The following CAST variants were observed in gnomAD, a reference collection of about 807,000 sequenced individuals.
The protein encoded by CAST is MIR583 host.
In CAST, 76 loss-of-function variants were observed where a neutral mutation model predicts 119.6. That is an observed-to-expected ratio of 0.64 (90% CI 0.53 to 0.77). The LOEUF (loss-of-function observed/expected upper bound fraction) is 0.77, where lower values mean the gene tolerates loss of function less well. Ranked by LOEUF, CAST falls within the 30% of genes least tolerant of loss-of-function variation. The pLI is 0.00. For synonymous variants in CAST, 319 were observed against 331.6 expected (o/e 0.96, Z 0.41); for missense variants, 953 against 946.5 (o/e 1.01, Z -0.09).
At chr5:96,408,005 G>A in the CAST span, among the ~76,000 whole-genome samples, 2 of 152,174 alleles carry the variant, frequency 1.3e-5, no homozygotes, top group Non-Finnish European at 1.5e-5. Context: ...ACAAAATAAC[G>A]TCTATATTAA....
chr5:96,450,686 C>T, the CAST span, among the ~76,000 whole-genome samples: 1 of 152,146 alleles, frequency 6.6e-6, no homozygotes, highest in South Asian at 2.1e-4. Context: ...GCAAACATTG[C>T]TCCAATGCCT....
the CAST span, among the ~76,000 whole-genome samples, chr5:96,470,420 C>T: frequency 1.3e-5 from 2 of 151,838 alleles, no homozygotes; most frequent in African/African-American, 4.8e-5. Flanking sequence ...AATGGTAAAG[C>T]TAAAATAATA....
At chr5:96,298,482 G>T in the CAST span, among the ~76,000 whole-genome samples, 1 of 152,168 alleles carries the variant, frequency 6.6e-6, no homozygotes, top group Non-Finnish European at 1.5e-5. Flanking sequence ...TCTCACTGTT[G>T]AAGTAATTGT....
At chr5:96,654,668 T>C (rs770110824) in intron 1 of CAST, among the ~76,000 whole-genome samples, 15 of 152,306 alleles carry the variant, frequency 9.8e-5, no homozygotes, top group South Asian at 6.2e-4. Context: ...ATTAATAACT[T>C]GCTGTTATAT....
the CAST span, among the ~76,000 whole-genome samples, chr5:96,167,699 C>A: frequency 8.5e-5 from 13 of 152,196 alleles, no homozygotes; most frequent in African/African-American, 2.7e-4. Context: ...CTGAGGAATT[C>A]TGTCTGACAG....
chr5:96,652,092 T>C (rs1228041929), intron 1 of CAST, among the ~76,000 whole-genome samples: 1 of 152,200 alleles, frequency 6.6e-6, no homozygotes, highest in Non-Finnish European at 1.5e-5. Flanking sequence ...CAAATCCATA[T>C]GCAATTGAAT....
Position 96,702,488 on chromosome 5 carries a change from A to C in CAST, c.210+6581A>C, listed in dbSNP as rs180768108. ...TGTAGTCATTACTAATCCACTTTAT[A>C]GTTTCAAAAGAGGTCTTCGGGGGAG... On this transcript the variant is annotated intron_variant, in intron 3 of 31. Transcript: ENST00000675179. Among the ~76,000 whole-genome samples the C allele has an allele frequency of 5.3e-5, 8 of 152,312 alleles. 1 individual carries two copies. Among genetic ancestry groups the C allele is most frequent in the Admixed American group, 3.3e-4 (5 of 15,296 alleles).
chr5:96,021,985 G>T, the CAST span, among the ~76,000 whole-genome samples: 1 of 152,156 alleles, frequency 6.6e-6, no homozygotes, highest in African/African-American at 2.4e-5. Flanking sequence ...CATCTGTACT[G>T]AACATATACA....
At chr5:96,034,493 ACACACACACACACATATG>A in the CAST span, among the ~76,000 whole-genome samples, 1 of 130,654 alleles carries the variant, frequency 7.7e-6, no homozygotes, top group Non-Finnish European at 1.6e-5. Flanking sequence ...ACACACACAC[ACACACACACACACATATG>A]TGTGTGTGTA....
chr5:96,627,123 G>A (rs966637157), intron 1 of CAST, among the ~76,000 whole-genome samples: 22 of 152,166 alleles, frequency 1.4e-4, no homozygotes, highest in Middle Eastern at 3.2e-3. Flanking sequence ...ATTCCAGGAG[G>A]CAGTATTGCA....
At chr5:96,409,362 G>T in the CAST span, among the ~76,000 whole-genome samples, 1 of 152,166 alleles carries the variant, frequency 6.6e-6, no homozygotes, top group Non-Finnish European at 1.5e-5. Context: ...AGTTATGATG[G>T]CTCTGCTCCT....
intron 1 of CAST, among the ~76,000 whole-genome samples, chr5:96,534,737 G>GAGAGAGAGAGAGAGAA: frequency 7.0e-5 from 1 of 14,228 alleles, no homozygotes; most frequent in African/African-American, 2.2e-4. Flanking sequence ...GAGAGAGAGA[G>GAGAGAGAGAGAGAGAA]AGAGAAAGAA....
the CAST span, among the ~76,000 whole-genome samples, chr5:96,064,360 A>T: frequency 1.4e-4 from 22 of 151,932 alleles, no homozygotes; most frequent in Non-Finnish European, 1.5e-4. Flanking sequence ...GAGTTTCCAG[A>T]CTTAATCTAA....
At chr5:96,476,281 A>AT in the CAST span, among the ~76,000 whole-genome samples, 1 of 152,108 alleles carries the variant, frequency 6.6e-6, no homozygotes, top group African/African-American at 2.4e-5. Context: ...ATTTTTATTG[A>AT]TTTTTTTCAT....
chr5:96,771,819 G>A (rs1772484158), intron 31 of CAST, 117 bp downstream of exon 31: 5 of 598,240 alleles, frequency 8.4e-6, no homozygotes, highest in Non-Finnish European at 9.0e-6. Context: ...TTACAGTATT[G>A]GCATGAAATG....
At chr5:96,304,624 G>C in the CAST span, among the ~76,000 whole-genome samples, 2 of 152,110 alleles carry the variant, frequency 1.3e-5, no homozygotes, top group African/African-American at 2.4e-5. Flanking sequence ...GTTAATTTTT[G>C]TATAAGGTGT....
upstream of CAST, among the ~76,000 whole-genome samples, chr5:96,658,055 T>A (rs931306048): frequency 6.6e-6 from 1 of 151,848 alleles, no homozygotes; most frequent in Admixed American, 6.6e-5. Flanking sequence ...GCCGAGATCA[T>A]GCCACTGCAC....
intron 1 of CAST, among the ~76,000 whole-genome samples, chr5:96,551,307 CA>C (rs1001503369): frequency 7.2e-5 from 11 of 152,282 alleles, no homozygotes; most frequent in Non-Finnish European, 1.6e-4. Flanking sequence ...ATTTCATATC[CA>C]GCCAAACTAA....
At chr5:96,507,354 G>A in the CAST span, among the ~76,000 whole-genome samples, 1 of 152,160 alleles carries the variant, frequency 6.6e-6, no homozygotes, top group African/African-American at 2.4e-5. Context: ...TCATCACTTT[G>A]TAACCATTTT....
Sources: allele counts gnomAD v4.1 joint callset (sites outside exome capture counted in the v4.1 genomes callset), GRCh38; gene constraint gnomAD v4.1.1; transcripts MANE v1.5; gene names NCBI Gene and HGNC (gene_info 2026-07-23, HGNC 2026-07-21).